TMEM144: variants seen among roughly 807,000 people sequenced by gnomAD.
TMEM144 encodes transmembrane protein 144.
In TMEM144, 39 loss-of-function variants were observed where a neutral mutation model predicts 43.6. The ratio of observed to expected loss-of-function variants is 0.90; its 90% confidence interval spans 0.69 to 1.17. TMEM144 has a LOEUF of 1.17. TMEM144 is among the 50% of genes most tolerant of loss of function. The probability of loss-of-function intolerance (pLI) is 0.00; values close to 1 mark genes in which losing one functional copy is unlikely to be tolerated. For synonymous variants in TMEM144, 154 were observed against 133.6 expected (o/e 1.15, Z -1.06); for missense variants, 417 against 411.9 (o/e 1.01, Z -0.11).
At chr4:158,225,653 G>A (rs987622165) in intron 6 of TMEM144, among the ~76,000 whole-genome samples, 1 of 152,232 alleles carries the variant, frequency 6.6e-6, no homozygotes, top group Admixed American at 6.5e-5. Context: ...TAAAGCACAA[G>A]TGCCATGCTA....
In TMEM144 at chr4:158,215,071, C is replaced by T; in HGVS notation, c.110-120C>T. On this transcript the variant is annotated intron_variant, in intron 3 of 12. Transcript: ENST00000296529. ...TCATAAGAATGAAATGTGCAAAGTC[C>T]ATGGCATATGGCATTTAATAAATTG... 11 of 1,247,430 alleles carry T rather than the reference C, an allele frequency of 8.8e-6. No homozygotes were observed. In the South Asian group the frequency reaches 1.5e-4, roughly 17 times the overall value. The allele number at this position is 1,247,430 out of a possible 1,614,324, so 77.3% of individuals were successfully genotyped here.
rs1734991982 is a variant in TMEM144, at chr4:158,229,986, C to T, written c.414-2915C>T. Among the ~76,000 whole-genome samples the T allele has an allele frequency of 3.3e-5, 5 of 152,184 alleles. No individual in the cohort carries two copies. In the South Asian group the frequency reaches 1.0e-3, roughly 32 times the overall value. On this transcript the variant is annotated intron_variant, in intron 6 of 12. Transcript: ENST00000296529. ...CCCCAAGGAGCTCAGATGGCTTAGG[C>T]AGCAGGCAGCTGCAGCTGTGGTACT...
chr4:158,249,892 G>A lies in TMEM144; in HGVS notation c.955-3552G>A, dbSNP rs1305333945. On this transcript the variant is annotated intron_variant, in intron 12 of 12. Coordinates refer to ENST00000296529, the MANE Select transcript of TMEM144 (RefSeq NM_018342.5). Reference sequence around the variant, plus strand: ...AAATCCAAAGCCTACTGCCAGGTGTGTGTGTGTGTGTGTGTGTGTGTGTGT... The same window carrying A: ...AAATCCAAAGCCTACTGCCAGGTGTATGTGTGTGTGTGTGTGTGTGTGTGT... Among the ~76,000 whole-genome samples, 6 of 17,036 alleles carry A rather than the reference G, an allele frequency of 3.5e-4. No individual in the cohort carries two copies. The East Asian group carries it at 0.015, about 43-fold the overall frequency. The allele number at this position is 17,036 out of a possible 152,430, so 11.2% of individuals were successfully genotyped here. A position where few individuals can be genotyped will look rare whatever the true frequency, so the allele number is the denominator to read the frequency against.
At chr4:158,246,983 G>C (rs183393895) in intron 12 of TMEM144, among the ~76,000 whole-genome samples, 24 of 152,022 alleles carry the variant, frequency 1.6e-4, no homozygotes, top group Admixed American at 5.2e-4. Flanking sequence ...GAAAAACAGT[G>C]AGGAATGTTT....
Position 158,235,608 on chromosome 4 carries a change from T to C in TMEM144, c.563+103T>C, listed in dbSNP as rs1216082274. On this transcript the variant is annotated intron_variant, in intron 8 of 12. Transcript: ENST00000296529. ...GTTCATCTGAGTTCAAGAAGAAAAT[T>C]GTAATGCAAGCTTTGACTTCTATCT... 4 of 1,206,886 alleles carry C rather than the reference T, an allele frequency of 3.3e-6. No individual in the cohort carries two copies. In the African/African-American group the frequency reaches 4.6e-5, roughly 14 times the overall value. The allele number at this position is 1,206,886 out of a possible 1,614,324, so 74.8% of individuals were successfully genotyped here.
chr4:158,237,420 C>T (rs1735403713), intron 8 of TMEM144, 105 bp from the exon 9 acceptor site: 1 of 848,538 alleles, frequency 1.2e-6, no homozygotes, highest in Non-Finnish European at 1.9e-6. Flanking sequence ...ATGGTTTTTG[C>T]TTGTTTGTGA....
chr4:158,219,302 A>G lies in TMEM144; in HGVS notation c.333-8A>G, dbSNP rs762614238. 3.6e-5 allele frequency: 58 copies of G among 1,613,472 alleles called. No individual in the cohort carries two copies. Among genetic ancestry groups the G allele is most frequent in the Non-Finnish European group, 4.7e-5 (56 of 1,179,724 alleles). On this transcript the variant is annotated splice_region_variant and splice_polypyrimidine_tract_variant and intron_variant, in intron 5 of 12. Coordinates refer to ENST00000296529, the MANE Select transcript of TMEM144 (RefSeq NM_018342.5). The stretch of plus-strand genomic sequence containing the variant: ...TATTTAATTTGATGTGACTTTCTGG[A>G]TTTTCAGGTTTGGCTGGTTTGGATT...
At chr4:158,229,597 G>A (rs1313053723) in intron 6 of TMEM144, among the ~76,000 whole-genome samples, 3 of 152,172 alleles carry the variant, frequency 2.0e-5, no homozygotes, top group Non-Finnish European at 4.4e-5. Flanking sequence ...ACTACTGGAG[G>A]AAAGGCTAAC....
chr4:158,233,070 T>C lies in TMEM144; in HGVS notation c.495+88T>C, dbSNP rs1735163639. Reference sequence around the variant, plus strand: ...TAAATTTTAAACACAGATGAAAAAGTGGTGTTTGCTCATCACTCCTGGCTA... The same window carrying C: ...TAAATTTTAAACACAGATGAAAAAGCGGTGTTTGCTCATCACTCCTGGCTA... On this transcript the variant is annotated intron_variant, in intron 7 of 12. Transcript: ENST00000296529. 1.4e-5 allele frequency: 14 copies of C among 1,022,496 alleles called. No individual in the cohort carries two copies. The Admixed American group carries it at 3.2e-4, about 23-fold the overall frequency. The allele number at this position is 1,022,496 out of a possible 1,614,324, so 63.3% of individuals were successfully genotyped here. A position where few individuals can be genotyped will look rare whatever the true frequency, so the allele number is the denominator to read the frequency against.
At chr4:158,227,602 G>A (rs1734840497) in intron 6 of TMEM144, among the ~76,000 whole-genome samples, 1 of 151,308 alleles carries the variant, frequency 6.6e-6, no homozygotes, top group African/African-American at 2.4e-5. Context: ...TTTTGCCTCT[G>A]TCTCTTCCTC....
At chr4:158,211,636 T>C (rs1053186371) in intron 2 of TMEM144, 62 bp downstream of exon 2, 3 of 152,212 alleles carry the variant, frequency 2.0e-5, no homozygotes, top group African/African-American at 4.8e-5. Context: ...ATTATTTTTA[T>C]TGAATAGTGT....
At chr4:158,218,502 T>C (rs1734346695) in intron 5 of TMEM144, among the ~76,000 whole-genome samples, 1 of 152,132 alleles carries the variant, frequency 6.6e-6, no homozygotes, top group South Asian at 2.1e-4. Flanking sequence ...CCTCCTGCTA[T>C]TTTCTTTTTC....
chr4:158,219,467 C>G, intron 6 of TMEM144, 77 bp downstream of exon 6: 1 of 1,347,326 alleles, frequency 7.4e-7, no homozygotes, highest in South Asian at 1.2e-5. Flanking sequence ...GCTATGTTTA[C>G]ATTTTTTAAA....
chr4:158,237,359 C>T, intron 8 of TMEM144, 166 bp from the exon 9 acceptor site: 1 of 590,774 alleles, frequency 1.7e-6, no homozygotes. Flanking sequence ...CACTTTAATA[C>T]TGCAGGGTAT....
At position 158,235,506 on chromosome 4, in the gene TMEM144, G is replaced by T; in HGVS notation, c.563+1G>T. The stretch of plus-strand genomic sequence containing the variant: ...TTTCTACAGTACACCACCGCATAGT[G>T]TAAGGAGAGGTTACTTCTTTGCTCT... On this transcript the variant is annotated splice_donor_variant, in intron 8 of 12. Coordinates refer to ENST00000296529, the MANE Select transcript of TMEM144 (RefSeq NM_018342.5). LOFTEE classifies it high-confidence loss of function. The T allele has an allele frequency of 6.2e-7, 1 of 1,611,006 alleles. No individual in the cohort carries two copies. Among genetic ancestry groups the T allele is most frequent in the Non-Finnish European group, 8.5e-7 (1 of 1,178,242 alleles).
At chr4:158,213,252 A>G (rs975798744) in intron 3 of TMEM144, 2 of 158,124 alleles carry the variant, frequency 1.3e-5, no homozygotes, top group African/African-American at 4.8e-5. Context: ...ACAATCTTCA[A>G]ATATCGACCA....
intron 5 of TMEM144, 46 bp downstream of exon 5, chr4:158,217,466 T>G: frequency 7.4e-7 from 1 of 1,346,122 alleles, no homozygotes; most frequent in Non-Finnish European, 1.1e-6. Flanking sequence ...TGCATCCATA[T>G]TCTATGTAAA....
At chr4:158,219,633 A>C (rs1423997131) in intron 6 of TMEM144, among the ~76,000 whole-genome samples, 6 of 152,212 alleles carry the variant, frequency 3.9e-5, no homozygotes, top group Middle Eastern at 3.2e-3. Context: ...AACTGCTCTT[A>C]AGCTTAGTTT....
chr4:158,218,794 G>T (rs963299343), intron 5 of TMEM144, among the ~76,000 whole-genome samples: 3 of 152,064 alleles, frequency 2.0e-5, no homozygotes, highest in Admixed American at 1.3e-4. Flanking sequence ...TTTAATCTTT[G>T]TAACAAACTT....
Sources: allele counts gnomAD v4.1 joint callset (sites outside exome capture counted in the v4.1 genomes callset), GRCh38; gene constraint gnomAD v4.1.1; transcripts MANE v1.5; gene names NCBI Gene and HGNC (gene_info 2026-07-23, HGNC 2026-07-21).